ASB3: variants seen among roughly 807,000 people sequenced by gnomAD.
ASB3 encodes the protein ankyrin repeat and SOCS box protein 3.
Under a neutral mutation model 54.5 loss-of-function variants are expected in ASB3, and 41 were observed. The ratio of observed to expected loss-of-function variants is 0.75; its 90% confidence interval spans 0.59 to 0.98. The LOEUF (loss-of-function observed/expected upper bound fraction) is 0.98, where lower values mean the gene tolerates loss of function less well. Among genes scored for constraint, ASB3 ranks in the 50% least tolerant of loss-of-function variants. The probability of loss-of-function intolerance (pLI) is 0.00; values close to 1 mark genes in which losing one functional copy is unlikely to be tolerated. For synonymous variants in ASB3, 266 were observed against 221.2 expected (o/e 1.20, Z -1.80); for missense variants, 733 against 620.0 (o/e 1.18, Z -1.94).
Position 53,693,178 on chromosome 2 carries a change from A to G in ASB3, c.1369+706T>C, listed in dbSNP as rs570377217. ...AGACATATAATATGGTTAACAAAATATAGTCAAAGCAAAATAAATCTGAAA... is the reference window on the plus strand; with the variant it reads ...AGACATATAATATGGTTAACAAAATGTAGTCAAAGCAAAATAAATCTGAAA... On this transcript the variant is annotated intron_variant, in intron 9 of 9. Coordinates refer to ENST00000263634, the MANE Select transcript of ASB3 (RefSeq NM_016115.5). Among the ~76,000 whole-genome samples, 28 of 152,350 alleles carry G rather than the reference A, an allele frequency of 1.8e-4. No homozygotes were observed. In the South Asian group the frequency reaches 5.8e-3, roughly 32 times the overall value.
chr2:53,768,240 A>G, intron 1 of ASB3: 1 of 542,940 alleles, frequency 1.8e-6, no homozygotes, highest in Non-Finnish European at 3.2e-6. Context: ...GCCGGTGGTT[A>G]GTCTCTAGAG....
At chr2:53,687,989 CTTATT>C (rs1471523911) in intron 9 of ASB3, among the ~76,000 whole-genome samples, 1 of 152,038 alleles carries the variant, frequency 6.6e-6, no homozygotes, top group African/African-American at 2.4e-5. Flanking sequence ...GGCTAATTTT[CTTATT>C]TTATTTTGTA....
chr2:53,736,260 T>A (rs1251453221), intron 3 of ASB3, among the ~76,000 whole-genome samples: 1 of 152,120 alleles, frequency 6.6e-6, no homozygotes, highest in African/African-American at 2.4e-5. Flanking sequence ...GTCATTCCAT[T>A]AGGGAAATGC....
chr2:53,783,183 GT>G (rs1428549254), intron 1 of ASB3, among the ~76,000 whole-genome samples: 20 of 152,112 alleles, frequency 1.3e-4, no homozygotes, highest in African/African-American at 4.3e-4. Flanking sequence ...ATATTTAAAA[GT>G]TATAAGTGTT....
In ASB3 at chr2:53,724,460, A is replaced by C. The variant is rs182388903; in HGVS notation, c.604+4252T>G. ...TAAAAATACAAAAAATTAGCCAGGC[A>C]TGGTGGCACGTGCCTGTAGTCCCAG... On this transcript the variant is annotated intron_variant, in intron 5 of 9. Transcript: ENST00000263634. Among the ~76,000 whole-genome samples the C allele has an allele frequency of 4.8e-3, 733 of 152,098 alleles. 9 individuals are homozygous for C. The highest frequency in any genetic ancestry group is 0.017 in the African/African-American group (687 of 41,498).
chr2:53,752,187 T>G (rs1358089766), intron 2 of ASB3, among the ~76,000 whole-genome samples: 1 of 152,198 alleles, frequency 6.6e-6, no homozygotes, highest in Non-Finnish European at 1.5e-5. Context: ...AAAATGCCAG[T>G]AGAGCTATTT....
At position 53,670,409 on chromosome 2, in the gene ASB3, G is replaced by T; in HGVS notation, c.*94C>A. On this transcript the variant is annotated 3_prime_UTR_variant, in exon 10 of 10. Coordinates refer to ENST00000263634, the MANE Select transcript of ASB3 (RefSeq NM_016115.5). Reference sequence around the variant, plus strand: ...ATCTCACAATCAATAATCATCTTTTGACTATAAAATCATAAAAACTTGTAC... The same window carrying T: ...ATCTCACAATCAATAATCATCTTTTTACTATAAAATCATAAAAACTTGTAC... 3 of 1,298,484 alleles carry T rather than the reference G, an allele frequency of 2.3e-6. No individual in the cohort carries two copies. The highest frequency in any genetic ancestry group is 1.6e-5 in the African/African-American group (1 of 61,442). The allele number at this position is 1,298,484 out of a possible 1,614,324, so 80.4% of individuals were successfully genotyped here.
At chr2:53,766,719 A>G (rs1347573677) in intron 1 of ASB3, among the ~76,000 whole-genome samples, 5 of 152,226 alleles carry the variant, frequency 3.3e-5, no homozygotes, top group Admixed American at 6.5e-5. Flanking sequence ...AAATTTTTCA[A>G]AAAAGAAGGG....
At chr2:53,762,055 T>C (rs559415248) in intron 2 of ASB3, among the ~76,000 whole-genome samples, 5 of 152,120 alleles carry the variant, frequency 3.3e-5, no homozygotes, top group Non-Finnish European at 7.4e-5. Context: ...CCCTCTAATA[T>C]ATTGAGGGTG....
chr2:53,677,449 C>T (rs1171200743), intron 9 of ASB3, among the ~76,000 whole-genome samples: 1 of 152,084 alleles, frequency 6.6e-6, no homozygotes, highest in Non-Finnish European at 1.5e-5. Context: ...TACCACAAAT[C>T]TCCTTCCAAC....
chr2:53,753,035 G>A (rs1162528996), intron 2 of ASB3, among the ~76,000 whole-genome samples: 2 of 151,598 alleles, frequency 1.3e-5, no homozygotes, highest in East Asian at 1.9e-4. Flanking sequence ...GAACCTTAAT[G>A]TACGCAATTT....
intron 8 of ASB3, among the ~76,000 whole-genome samples, chr2:53,697,077 G>A (rs1047640629): frequency 7.2e-5 from 11 of 152,198 alleles, no homozygotes; most frequent in Non-Finnish European, 1.3e-4. Context: ...TGGTAAAGAA[G>A]CTGGCCAAAC....
chr2:53,707,192 T>C (rs981051621), intron 7 of ASB3, among the ~76,000 whole-genome samples: 1 of 152,194 alleles, frequency 6.6e-6, no homozygotes, highest in South Asian at 2.1e-4. Context: ...CTAGGGAAAC[T>C]GAAGAAGTAA....
At chr2:53,723,581 A>T (rs940470997) in intron 5 of ASB3, among the ~76,000 whole-genome samples, 4 of 152,168 alleles carry the variant, frequency 2.6e-5, no homozygotes, top group Non-Finnish European at 4.4e-5. Flanking sequence ...TAGAAAAAAA[A>T]TTTCTTAAAT....
chr2:53,737,689 G>C (rs543158840), intron 3 of ASB3, among the ~76,000 whole-genome samples: 1 of 138,798 alleles, frequency 7.2e-6, no homozygotes, highest in Non-Finnish European at 1.5e-5. Context: ...CCAAGCTTTT[G>C]TGTATGTGAA....
At chr2:53,716,423 TA>T (rs1670394584) in intron 6 of ASB3, 142 bp downstream of exon 6, 1 of 981,436 alleles carries the variant, frequency 1.0e-6, no homozygotes, top group Non-Finnish European at 1.5e-6. Flanking sequence ...AAGGACAGAT[TA>T]GGGGTAGATC....
intron 9 of ASB3, among the ~76,000 whole-genome samples, chr2:53,680,748 T>A (rs923439392): frequency 2.0e-5 from 3 of 152,166 alleles, no homozygotes; most frequent in Non-Finnish European, 2.9e-5. Flanking sequence ...TTATACTCTT[T>A]CACTTGTTGA....
chr2:53,699,086 A>C (rs1669340964), intron 8 of ASB3, among the ~76,000 whole-genome samples: 1 of 152,192 alleles, frequency 6.6e-6, no homozygotes, highest in Non-Finnish European at 1.5e-5. Context: ...GTCCAAAGTC[A>C]AGGGGCCCAT....
intron 2 of ASB3, among the ~76,000 whole-genome samples, chr2:53,762,753 G>A (rs1673215288): frequency 1.3e-5 from 2 of 152,070 alleles, no homozygotes; most frequent in Admixed American, 6.6e-5. Flanking sequence ...GAGAAGACAA[G>A]CAAATTTGTT....
Sources: gnomAD v4.1 joint callset for allele counts (sites outside exome capture counted in the v4.1 genomes callset) on GRCh38, gnomAD v4.1.1 for gene constraint, MANE v1.5 for transcripts, NCBI Gene and HGNC (gene_info 2026-07-23, HGNC 2026-07-21) for gene names.